Variants in FILIP1L observed in about 807,000 individuals in gnomAD.
FILIP1L encodes the protein filamin A-interacting protein 1-like.
Under a neutral mutation model 96.6 loss-of-function variants are expected in FILIP1L, and 55 were observed. The observed-to-expected ratio is 0.57, with a 90% CI of 0.46 to 0.71. The LOEUF is 0.71. FILIP1L is among the 30% of genes least tolerant of loss of function. FILIP1L has a pLI of 0.00. For missense variants in FILIP1L, 1,304 were observed against 1,321.2 expected (o/e 0.99, Z 0.20); for synonymous variants, 467 against 473.9 (o/e 0.99, Z 0.19).
At chr3:99,955,895 C>G (rs1248663749) in intron 1 of FILIP1L, among the ~76,000 whole-genome samples, 1 of 152,170 alleles carries the variant, frequency 6.6e-6, no homozygotes, top group African/African-American at 2.4e-5. Flanking sequence ...CGCATCTTCT[C>G]TGTTCTCCCA....
At chr3:99,837,507 G>A (rs1285788998) in intron 5 of FILIP1L, among the ~76,000 whole-genome samples, 16 of 152,028 alleles carry the variant, frequency 1.1e-4, no homozygotes, top group African/African-American at 3.9e-4. Flanking sequence ...ATTACTTTGA[G>A]TTGTTTGAAG....
chr3:99,886,565 G>C (rs191266373), intron 4 of FILIP1L, among the ~76,000 whole-genome samples: 4 of 152,206 alleles, frequency 2.6e-5, no homozygotes, highest in South Asian at 2.1e-4. Context: ...CCAGATTTTG[G>C]GGGGGTAGAT....
intron 1 of FILIP1L, among the ~76,000 whole-genome samples, chr3:100,017,294 T>C (rs922823491): frequency 9.9e-5 from 15 of 152,060 alleles, no homozygotes; most frequent in Non-Finnish European, 1.6e-4. Flanking sequence ...TCAGCAAAGG[T>C]TTTTGGGGCT....
chr3:99,865,187 T>C (rs1030092020), intron 4 of FILIP1L, among the ~76,000 whole-genome samples: 8 of 152,186 alleles, frequency 5.3e-5, no homozygotes, highest in African/African-American at 9.7e-5. Flanking sequence ...CAAACAGTCA[T>C]AGGAGGCAGG....
intron 1 of FILIP1L, among the ~76,000 whole-genome samples, chr3:100,093,328 C>A (rs1482309521): frequency 6.6e-6 from 1 of 151,816 alleles, no homozygotes; most frequent in Non-Finnish European, 1.5e-5. Flanking sequence ...GTCAGATAAT[C>A]CAGAAGGAGA....
intron 4 of FILIP1L, among the ~76,000 whole-genome samples, chr3:99,915,594 T>C (rs1706926411): frequency 6.6e-6 from 1 of 151,798 alleles, no homozygotes; most frequent in Non-Finnish European, 1.5e-5. Flanking sequence ...CTAAGTAGAG[T>C]GATTTACCAA....
chr3:99,875,114 T>C (rs763022830), intron 4 of FILIP1L, among the ~76,000 whole-genome samples: 5 of 152,214 alleles, frequency 3.3e-5, no homozygotes, highest in Non-Finnish European at 7.4e-5. Context: ...ATGAATCAAT[T>C]TTTCATCTCC....
chr3:99,872,269 C>CTGTGTGTGTGTGTGTGTGTGTG lies in FILIP1L; in HGVS notation c.606-21221_606-21200dup, dbSNP rs55727823. Reference sequence around the variant, plus strand: ...ATTCTGTGGATATTCTGTGCCAGGACTGTGTGTGTGTGTGTGTGTGTGTGT... The same window carrying CTGTGTGTGTGTGTGTGTGTGTG: ...ATTCTGTGGATATTCTGTGCCAGGACTGTGTGTGTGTGTGTGTGTGTGTGTGTGTGTGTGTGTGTGTGTGTGT... On this transcript the variant is annotated intron_variant, in intron 4 of 5. Transcript: ENST00000477258. Among the ~76,000 whole-genome samples, 29 of 110,822 alleles carry CTGTGTGTGTGTGTGTGTGTGTG rather than the reference C, an allele frequency of 2.6e-4. 1 individual carries two copies. The highest frequency in any genetic ancestry group is 6.4e-4 in the East Asian group (2 of 3,138). 72.7% of individuals were successfully genotyped at this position (110,822 alleles called of 152,430 possible).
At chr3:100,082,384 G>A (rs2065945886) in intron 1 of FILIP1L, among the ~76,000 whole-genome samples, 1 of 152,126 alleles carries the variant, frequency 6.6e-6, no homozygotes, top group Non-Finnish European at 1.5e-5. Context: ...TGGGGAGAGA[G>A]GTCAAAATTT....
At chr3:100,053,382 T>C (rs894696214) in intron 1 of FILIP1L, among the ~76,000 whole-genome samples, 97 of 152,340 alleles carry the variant, frequency 6.4e-4, no homozygotes, top group African/African-American at 2.3e-3. Context: ...TTCTGGTGCT[T>C]GCCAACAGTC....
rs185293125 is a variant in FILIP1L at position 100,037,452 on chromosome 3, A to G, written c.-11+76601T>C. Among the ~76,000 whole-genome samples, 456 of 149,864 alleles carry G rather than the reference A, an allele frequency of 3.0e-3. 2 individuals carry two copies. The highest frequency in any genetic ancestry group is 0.011 in the African/African-American group (442 of 39,696). On this transcript the variant is annotated intron_variant, in intron 1 of 5. Transcript: ENST00000477258. ...CAAAAGATTAAAACAAAGCAAACAG[A>G]CACACACACACACACGCACATTGTT...
rs535007652 is a variant in FILIP1L, at chr3:99,979,881, TAAAAG to T, written c.-10-48856_-10-48852del. Among the ~76,000 whole-genome samples, 725 of 152,248 alleles carry T rather than the reference TAAAAG, an allele frequency of 4.8e-3. 3 individuals carry two copies. The highest frequency in any genetic ancestry group is 7.3e-3 in the South Asian group (35 of 4,820). On this transcript the variant is annotated intron_variant, in intron 1 of 5. Transcript: ENST00000477258. Reference sequence around the variant, plus strand: ...TGAAGTTGAATTTTGTGTATTGTCTTAAAAGAGAGAGAGCGGGACAAAGTGCTGTG... The same window carrying T: ...TGAAGTTGAATTTTGTGTATTGTCTTAGAGAGAGCGGGACAAAGTGCTGTG...
At chr3:100,077,242 ACT>A (rs993367302) in intron 1 of FILIP1L, among the ~76,000 whole-genome samples, 6 of 151,786 alleles carry the variant, frequency 4.0e-5, no homozygotes, top group African/African-American at 1.5e-4. Context: ...TCATGCAGAA[ACT>A]CTCTATCTGC....
chr3:100,013,346 C>T (rs1157417275), intron 1 of FILIP1L, among the ~76,000 whole-genome samples: 8 of 151,974 alleles, frequency 5.3e-5, no homozygotes, highest in African/African-American at 1.7e-4. Flanking sequence ...CAGGTTCAAG[C>T]GATTCTCCTG....
At chr3:100,023,554 G>C (rs1031245119) in intron 1 of FILIP1L, 8 of 152,574 alleles carry the variant, frequency 5.2e-5, no homozygotes, top group Admixed American at 1.3e-4. Flanking sequence ...CAGTTTCTTG[G>C]GGGGAGAGAA....
rs142277896 is a variant in FILIP1L, at chr3:100,042,899, A to G, written c.-11+71154T>C. On this transcript the variant is annotated intron_variant, in intron 1 of 5. Coordinates refer to ENST00000477258, the MANE Select transcript of FILIP1L (RefSeq NM_001387850.1). ...GAGCCAAAGTTCCCAGACCTTGACA[A>G]CTAGGGCAAATGTAACAAGTCCACA... Among the ~76,000 whole-genome samples, 688 of 152,370 alleles carry G rather than the reference A, an allele frequency of 4.5e-3. 7 individuals carry two copies. Among genetic ancestry groups the G allele is most frequent in the African/African-American group, 0.016 (674 of 41,586 alleles).
chr3:99,983,829 A>G (rs750526025), intron 1 of FILIP1L, among the ~76,000 whole-genome samples: 1 of 152,026 alleles, frequency 6.6e-6, no homozygotes, highest in African/African-American at 2.4e-5. Flanking sequence ...GCAAAGGAGA[A>G]TGGACCATCT....
rs781599500 is a variant in FILIP1L at position 99,930,724 on chromosome 3, G to A, written c.252+45C>T. 14 of 1,599,408 alleles carry A rather than the reference G, an allele frequency of 8.8e-6. No homozygotes were observed. In the East Asian group the frequency reaches 2.9e-4, roughly 33 times the overall value. ...AGCAGGAACACCAAATTCACAAGCAGCCTTCTGTTTGAAGCATGATGGGGA... is the reference window on the plus strand; with the variant it reads ...AGCAGGAACACCAAATTCACAAGCAACCTTCTGTTTGAAGCATGATGGGGA... On this transcript the variant is annotated intron_variant, in intron 2 of 5. Coordinates refer to ENST00000477258, the MANE Select transcript of FILIP1L (RefSeq NM_001387850.1).
rs1168456286 is a variant in FILIP1L, at chr3:99,981,681, T to C, written c.-10-50651A>G. On this transcript the variant is annotated intron_variant, in intron 1 of 5. Transcript: ENST00000477258. ...GTCCAACATTGTGCCTTCAGCACCA[T>C]TTGAAAAAAATTGGTTGGAATTAGT... 1.3e-5 allele frequency among the ~76,000 whole-genome samples: 2 copies of C among 152,212 alleles called. 1 individual carries two copies. The highest frequency in any genetic ancestry group is 2.9e-5 in the Non-Finnish European group (2 of 68,032).
Sources: gnomAD v4.1 joint callset for allele counts (sites outside exome capture counted in the v4.1 genomes callset) on GRCh38, gnomAD v4.1.1 for gene constraint, MANE v1.5 for transcripts, NCBI Gene and HGNC (gene_info 2026-07-23, HGNC 2026-07-21) for gene names.